Variants in RNF6 observed in about 807,000 individuals in gnomAD.
RNF6 encodes ring finger protein 6, also known as E3 ubiquitin-protein ligase RNF6.
Under a neutral mutation model 50.1 loss-of-function variants are expected in RNF6, and 21 were observed. The observed-to-expected ratio is 0.42, with a 90% CI of 0.30 to 0.60. The LOEUF is 0.60. RNF6 is among the 20% of genes least tolerant of loss of function. RNF6 has a pLI of 0.20. For synonymous variants in RNF6, 255 were observed against 291.8 expected (o/e 0.87, Z 1.29); for missense variants, 698 against 838.2 (o/e 0.83, Z 2.07).
At chr13:26,137,416 A>G (rs1238025062) in intron 5 of RNF6, among the ~76,000 whole-genome samples, 1 of 151,880 alleles carries the variant, frequency 6.6e-6, no homozygotes, top group Non-Finnish European at 1.5e-5. Flanking sequence ...ACTTTTCTAC[A>G]AAAAAAATTA....
At chr13:26,189,855 C>T (rs953354829) in intron 5 of RNF6, among the ~76,000 whole-genome samples, 2 of 152,216 alleles carry the variant, frequency 1.3e-5, no homozygotes, top group Non-Finnish European at 2.9e-5. Context: ...GTTTTCCTGA[C>T]TCTAATCCAA....
chr13:26,140,371 G>A (rs1870873069), intron 5 of RNF6, among the ~76,000 whole-genome samples: 1 of 152,122 alleles, frequency 6.6e-6, no homozygotes, highest in South Asian at 2.1e-4. Flanking sequence ...AACAGCCAAA[G>A]GAAAGTGAGG....
At chr13:26,221,964 G>A (rs71188717) in intron 1 of RNF6, 39 bp downstream of exon 1, 1 of 152,414 alleles carries the variant, frequency 6.6e-6, no homozygotes. Flanking sequence ...GCGTCTCCAG[G>A]AAGTAGTGGT....
At chr13:26,175,017 G>A (rs1872882492) in intron 5 of RNF6, among the ~76,000 whole-genome samples, 2 of 152,196 alleles carry the variant, frequency 1.3e-5, no homozygotes, top group African/African-American at 4.8e-5. Context: ...ACAATCAGGT[G>A]CCTCTTGATG....
At chr13:26,132,921 C>T (rs9578966) in intron 5 of RNF6, among the ~76,000 whole-genome samples, 3,026 of 151,754 alleles carry the variant, frequency 0.02, 113 homozygotes, top group African/African-American at 0.069. Flanking sequence ...GGTGGTTCTG[C>T]GGTGGGGGGT....
At chr13:26,220,245 C>G (rs1191623811) in intron 2 of RNF6, among the ~76,000 whole-genome samples, 2 of 152,094 alleles carry the variant, frequency 1.3e-5, no homozygotes, top group African/African-American at 4.8e-5. Context: ...TTAAAGCTTA[C>G]CAGGAAGACT....
chr13:26,190,120 A>T (rs1005622284), intron 5 of RNF6, among the ~76,000 whole-genome samples: 1 of 152,088 alleles, frequency 6.6e-6, no homozygotes, highest in Admixed American at 6.6e-5. Flanking sequence ...TTAGAAACCG[A>T]TCGAATGTGG....
At chr13:26,132,361 G>A (rs1870433753) in exon 6 of RNF6, 2 of 437,200 alleles carry the variant, frequency 4.6e-6, no homozygotes, top group Non-Finnish European at 9.1e-6. Flanking sequence ...CGAAGCTATT[G>A]AAATGAAGAT....
chr13:26,200,193 A>G (rs182420693), intron 5 of RNF6, among the ~76,000 whole-genome samples: 1 of 152,348 alleles, frequency 6.6e-6, no homozygotes, highest in East Asian at 1.9e-4. Context: ...GACCAAGGCA[A>G]TACCTGACAT....
intron 5 of RNF6, among the ~76,000 whole-genome samples, chr13:26,175,401 C>T (rs7318762): frequency 0.65 from 98,381 of 151,964 alleles, 32,145 homozygotes; most frequent in Middle Eastern, 0.71. Context: ...TTTGAGAGGA[C>T]ACCTGACGCG....
intron 5 of RNF6, among the ~76,000 whole-genome samples, chr13:26,145,122 A>T (rs1423854643): frequency 6.6e-6 from 1 of 152,194 alleles, no homozygotes. Context: ...TGTCAACAGG[A>T]ATGAAGGAAA....
intron 5 of RNF6, among the ~76,000 whole-genome samples, chr13:26,205,600 T>C (rs1206907972): frequency 6.6e-6 from 1 of 152,214 alleles, no homozygotes; most frequent in Non-Finnish European, 1.5e-5. Flanking sequence ...TTTCATGTAA[T>C]ATATTGAATA....
downstream of RNF6, among the ~76,000 whole-genome samples, chr13:26,210,963 G>A (rs942102070): frequency 2.6e-5 from 4 of 152,198 alleles, no homozygotes; most frequent in Admixed American, 6.5e-5. Context: ...ATAGAAGTTT[G>A]CCAGACAGCC....
At chr13:26,140,014 C>T (rs899778146) in intron 5 of RNF6, among the ~76,000 whole-genome samples, 1 of 152,018 alleles carries the variant, frequency 6.6e-6, no homozygotes, top group Non-Finnish European at 1.5e-5. Flanking sequence ...TTGACTGATA[C>T]GTAACTATTG....
intron 5 of RNF6, among the ~76,000 whole-genome samples, chr13:26,186,772 TTC>T (rs1555318102): frequency 1.3e-4 from 1 of 7,422 alleles, no homozygotes. Flanking sequence ...ACCTTTCTTC[TTC>T]TTTTTTTTTT....
At chr13:26,193,503 G>A (rs1475105702) in intron 5 of RNF6, among the ~76,000 whole-genome samples, 1 of 152,184 alleles carries the variant, frequency 6.6e-6, no homozygotes, top group Non-Finnish European at 1.5e-5. Context: ...ACTTTGATAA[G>A]AAAAACTTAA....
chr13:26,177,256 G>A (rs1038162892), intron 5 of RNF6, among the ~76,000 whole-genome samples: 3 of 152,156 alleles, frequency 2.0e-5, no homozygotes, highest in Non-Finnish European at 4.4e-5. Flanking sequence ...TGGAAGCAGT[G>A]TCTATACCAG....
downstream of RNF6, among the ~76,000 whole-genome samples, chr13:26,210,424 C>T (rs970296086): frequency 6.6e-6 from 1 of 152,138 alleles, no homozygotes; most frequent in Non-Finnish European, 1.5e-5. Context: ...CAACTCTGGC[C>T]CTTAATGCAG....
chr13:26,182,443 A>G (rs1404823631), intron 5 of RNF6, among the ~76,000 whole-genome samples: 3 of 152,256 alleles, frequency 2.0e-5, no homozygotes, highest in African/African-American at 7.2e-5. Context: ...TTTATTGATG[A>G]TAAATTGATC....
Sources: gnomAD v4.1 joint callset for allele counts (sites outside exome capture counted in the v4.1 genomes callset) on GRCh38, gnomAD v4.1.1 for gene constraint, MANE v1.5 for transcripts, NCBI Gene and HGNC (gene_info 2026-07-23, HGNC 2026-07-21) for gene names.